The following SLC2A9 variants were observed in gnomAD, a reference collection of about 807,000 sequenced individuals.
SLC2A9 encodes the protein solute carrier family 2, facilitated glucose transporter member 9.
In SLC2A9, 39 loss-of-function variants were observed where a neutral mutation model predicts 50.6. The ratio of observed to expected loss-of-function variants is 0.77; its 90% CI spans 0.60 to 1.01. The LOEUF is 1.01. SLC2A9 is among the 50% of genes least tolerant of loss of function. The pLI, the probability that SLC2A9 is intolerant of heterozygous loss-of-function variation, is 0.00. For missense variants in SLC2A9, 686 were observed against 677.6 expected (o/e 1.01, Z -0.14); for synonymous variants, 324 against 276.9 (o/e 1.17, Z -1.69).
intron 10 of SLC2A9, among the ~76,000 whole-genome samples, chr4:9,835,494 G>T (rs1446937010): frequency 6.6e-6 from 1 of 152,204 alleles, no homozygotes; most frequent in African/African-American, 2.4e-5. Context: ...AAGACAGAGT[G>T]GGTAATGGAT....
At chr4:9,802,890 T>C (rs1475410493) in intron 3 of SLC2A9, among the ~76,000 whole-genome samples, 3 of 152,166 alleles carry the variant, frequency 2.0e-5, no homozygotes, top group Non-Finnish European at 4.4e-5. Flanking sequence ...AATCCTGCCT[T>C]ATCCAGGAAT....
intron 3 of SLC2A9, among the ~76,000 whole-genome samples, chr4:9,789,760 G>A (rs1453642862): frequency 2.0e-5 from 3 of 152,210 alleles, no homozygotes; most frequent in African/African-American, 7.2e-5. Context: ...TTTTGATATT[G>A]CAGGTATGAG....
At chr4:9,821,688 G>C (rs112222722), downstream of SLC2A9, among the ~76,000 whole-genome samples, 3 of 152,134 alleles carry the variant, frequency 2.0e-5, no homozygotes, top group Non-Finnish European at 4.4e-5. Context: ...ACAAATATTG[G>C]TCTGCAGTTT....
chr4:10,038,506 CAA>C (rs35698968), intron 1 of SLC2A9, among the ~76,000 whole-genome samples: 1,161 of 49,250 alleles, frequency 0.024, 9 homozygotes, highest in African/African-American at 0.06. Context: ...GACTCTGTCT[CAA>C]AAAAAAAAAA....
intron 10 of SLC2A9, among the ~76,000 whole-genome samples, chr4:9,877,029 A>T (rs979716477): frequency 2.6e-5 from 4 of 152,128 alleles, no homozygotes; most frequent in Admixed American, 1.3e-4. Context: ...GCATATATTT[A>T]TTCCTTCTAT....
intron 10 of SLC2A9, among the ~76,000 whole-genome samples, chr4:9,877,511 C>T (rs1451975089): frequency 6.6e-6 from 1 of 152,194 alleles, no homozygotes; most frequent in Non-Finnish European, 1.5e-5. Context: ...CATGTATGAA[C>T]AATGTTTGGA....
chr4:9,815,838 G>C (rs576523353), intron 3 of SLC2A9, among the ~76,000 whole-genome samples: 66 of 152,218 alleles, frequency 4.3e-4, no homozygotes, highest in Middle Eastern at 3.4e-3. Flanking sequence ...GACAGTGTTT[G>C]AATCATGTAA....
chr4:9,937,770 G>T (rs1747354367), intron 6 of SLC2A9, among the ~76,000 whole-genome samples: 1 of 152,238 alleles, frequency 6.6e-6, no homozygotes, highest in African/African-American at 2.4e-5. Flanking sequence ...AGAGCCAGCT[G>T]ATCACCCCGT....
intron 10 of SLC2A9, among the ~76,000 whole-genome samples, chr4:9,859,818 G>GAGC (rs1309969403): frequency 6.6e-6 from 1 of 152,200 alleles, no homozygotes; most frequent in African/African-American, 2.4e-5. Context: ...GGAAGTCAGG[G>GAGC]AGCGCCTGCT....
intron 1 of SLC2A9, among the ~76,000 whole-genome samples, chr4:10,032,554 G>T (rs1422067309): frequency 1.3e-5 from 2 of 152,068 alleles, no homozygotes; most frequent in Admixed American, 6.6e-5. Flanking sequence ...AGAATGGGGG[G>T]ATGGTGACAA....
chr4:9,987,449 T>A (rs1022084584), intron 3 of SLC2A9, among the ~76,000 whole-genome samples: 1 of 152,236 alleles, frequency 6.6e-6, no homozygotes, highest in Non-Finnish European at 1.5e-5. Context: ...ATATAGTCAG[T>A]GAGTCAAGGA....
At chr4:9,874,908 T>C (rs985251958) in intron 10 of SLC2A9, among the ~76,000 whole-genome samples, 4 of 147,954 alleles carry the variant, frequency 2.7e-5, no homozygotes, top group Non-Finnish European at 4.5e-5. Context: ...CTGTCTAAGA[T>C]GGGATGCTGT....
In SLC2A9 at chr4:10,019,995, T is replaced by A. The variant is rs184970767; in HGVS notation, c.151-922A>T. On this transcript the variant is annotated intron_variant, in intron 1 of 11. Transcript: ENST00000264784. ...ACAGGCCAAGTGGACAGGGGCCAGGTGCTCCGGAAGGCACCTTCTTTGCCA... is the reference window on the plus strand; with the variant it reads ...ACAGGCCAAGTGGACAGGGGCCAGGAGCTCCGGAAGGCACCTTCTTTGCCA... 2.5e-3 allele frequency among the ~76,000 whole-genome samples: 384 copies of A among 152,152 alleles called. 6 individuals carry two copies. The highest frequency in any genetic ancestry group is 9.0e-3 in the African/African-American group (375 of 41,524).
At chr4:9,781,873 G>C (rs1207598244) in intron 3 of SLC2A9, 2 of 584,820 alleles carry the variant, frequency 3.4e-6, no homozygotes, top group Non-Finnish European at 5.4e-6. Flanking sequence ...GTCCCCGCGC[G>C]CTCCGCAGCC....
intron 2 of SLC2A9, among the ~76,000 whole-genome samples, chr4:10,012,008 G>A (rs939084603): frequency 8.5e-5 from 13 of 152,162 alleles, no homozygotes; most frequent in African/African-American, 4.8e-5. Flanking sequence ...CATCTGTTTC[G>A]TAAATAAAAT....
intron 8 of SLC2A9, among the ~76,000 whole-genome samples, chr4:9,896,103 G>T (rs1247012519): frequency 6.6e-6 from 1 of 152,168 alleles, no homozygotes; most frequent in Non-Finnish European, 1.5e-5. Flanking sequence ...CTTGTGCATT[G>T]ATTTCTCTTG....
At chr4:9,884,126 T>C (rs2109686814) in intron 10 of SLC2A9, among the ~76,000 whole-genome samples, 1 of 152,362 alleles carries the variant, frequency 6.6e-6, no homozygotes, top group South Asian at 2.1e-4. Context: ...TGGATTTCTA[T>C]TGTGTGAAGC....
intron 8 of SLC2A9, among the ~76,000 whole-genome samples, chr4:9,891,118 C>T (rs957732591): frequency 1.2e-4 from 19 of 152,120 alleles, no homozygotes; most frequent in African/African-American, 3.1e-4. Context: ...GCATCCACAG[C>T]GGGGCACAGG....
intron 10 of SLC2A9, among the ~76,000 whole-genome samples, chr4:9,864,561 C>A (rs1372557988): frequency 6.6e-6 from 1 of 152,198 alleles, no homozygotes; most frequent in Non-Finnish European, 1.5e-5. Context: ...TCAGACCCTG[C>A]AAACTGTGCA....
Sources: allele counts gnomAD v4.1 joint callset (sites outside exome capture counted in the v4.1 genomes callset), GRCh38; gene constraint gnomAD v4.1.1; transcripts MANE v1.5; gene names NCBI Gene and HGNC (gene_info 2026-07-23, HGNC 2026-07-21).